Variants in NYAP2 observed in about 807,000 individuals in gnomAD.
NYAP2 encodes the protein neuronal tyrosine-phosphorylated phosphoinositide-3-kinase adaptor 2.
In NYAP2, 23 loss-of-function variants were observed where a neutral mutation model predicts 50.4. That is an observed-to-expected ratio of 0.46 (90% CI 0.33 to 0.65). The LOEUF (loss-of-function observed/expected upper bound fraction) is 0.65, where lower values mean the gene tolerates loss of function less well. NYAP2 is among the 30% of genes least tolerant of loss of function. The probability of loss-of-function intolerance (pLI) is 0.02; values close to 1 mark genes in which losing one functional copy is unlikely to be tolerated. For synonymous variants in NYAP2, 394 were observed against 365.2 expected (o/e 1.08, Z -0.90); for missense variants, 885 against 861.0 (o/e 1.03, Z -0.35).
At chr2:225,667,980 T>C in the NYAP2 span, among the ~76,000 whole-genome samples, 161 of 152,260 alleles carry the variant, frequency 1.1e-3, no homozygotes, top group African/African-American at 3.5e-3. Flanking sequence ...AGGTAATTTA[T>C]AATAATTCAC....
chr2:225,516,388 T>C (rs1690936365), intron 4 of NYAP2, among the ~76,000 whole-genome samples: 2 of 152,202 alleles, frequency 1.3e-5, no homozygotes, highest in Admixed American at 1.3e-4. Flanking sequence ...TGATAGGTAG[T>C]GAGCTCATTA....
intron 3 of NYAP2, among the ~76,000 whole-genome samples, chr2:225,498,017 G>C (rs1690538002): frequency 6.6e-6 from 1 of 152,034 alleles, no homozygotes; most frequent in South Asian, 2.1e-4. Context: ...TTATTCTACT[G>C]AAGCAAAATT....
the NYAP2 span, among the ~76,000 whole-genome samples, chr2:225,677,118 A>T: frequency 6.6e-6 from 1 of 151,972 alleles, no homozygotes; most frequent in African/African-American, 2.4e-5. Context: ...CCTTGTAGAG[A>T]TCTTTCACCT....
At chr2:225,595,755 TA>T (rs1186345270) in intron 5 of NYAP2, among the ~76,000 whole-genome samples, 1 of 152,222 alleles carries the variant, frequency 6.6e-6, no homozygotes, top group Non-Finnish European at 1.5e-5. Context: ...TGATGTTTCA[TA>T]AAACAGAAGC....
chr2:225,477,332 G>A (rs1409770372), intron 3 of NYAP2, among the ~76,000 whole-genome samples: 3 of 149,990 alleles, frequency 2.0e-5, no homozygotes, highest in Non-Finnish European at 4.4e-5. Flanking sequence ...CACCTCCTGG[G>A]TTCATGCCAT....
chr2:225,512,662 A>ATCTTTCTTTGCTTG (rs1553544717), intron 3 of NYAP2, among the ~76,000 whole-genome samples: 1 of 90,892 alleles, frequency 1.1e-5, no homozygotes, highest in African/African-American at 4.4e-5. Context: ...CCTTCCTCCC[A>ATCTTTCTTTGCTTG]TCTTTCTTTG....
At chr2:225,558,626 C>G (rs1323050948) in intron 4 of NYAP2, among the ~76,000 whole-genome samples, 8 of 152,118 alleles carry the variant, frequency 5.3e-5, no homozygotes, top group Non-Finnish European at 1.2e-4. Flanking sequence ...GCTAATCTCC[C>G]CATCTCAAAG....
intron 2 of NYAP2, among the ~76,000 whole-genome samples, 152 bp from the exon 3 acceptor site, chr2:225,408,712 T>C (rs368363203): frequency 7.9e-5 from 12 of 152,088 alleles, no homozygotes; most frequent in Non-Finnish European, 1.3e-4. Flanking sequence ...AATATTTACT[T>C]CAAATATTGT....
chr2:225,425,674 G>A (rs1376725871), intron 3 of NYAP2, among the ~76,000 whole-genome samples: 1 of 152,118 alleles, frequency 6.6e-6, no homozygotes, highest in Non-Finnish European at 1.5e-5. Flanking sequence ...CCCTGTGGTA[G>A]GATGGAAACG....
At chr2:225,672,131 T>C in the NYAP2 span, among the ~76,000 whole-genome samples, 6 of 152,140 alleles carry the variant, frequency 3.9e-5, no homozygotes, top group African/African-American at 1.4e-4. Context: ...AGTCAACGTG[T>C]CCTTTGAAAC....
intron 3 of NYAP2, among the ~76,000 whole-genome samples, chr2:225,477,974 C>T (rs997427652): frequency 4.0e-5 from 6 of 151,666 alleles, no homozygotes; most frequent in African/African-American, 9.7e-5. Flanking sequence ...TCAAGGAGCC[C>T]GAAATTAGTT....
At chr2:225,701,852 G>A in the NYAP2 span, 1 of 151,662 alleles carries the variant, frequency 6.6e-6, no homozygotes, top group African/African-American at 2.4e-5. Context: ...ATAAAAGAAT[G>A]TTTTTATTAC....
chr2:225,469,313 G>C (rs766721045), intron 3 of NYAP2, among the ~76,000 whole-genome samples: 1 of 152,208 alleles, frequency 6.6e-6, no homozygotes, highest in African/African-American at 2.4e-5. Flanking sequence ...ACCACAATGA[G>C]ATACCATCTC....
chr2:225,458,056 T>G (rs1321952825), intron 3 of NYAP2, among the ~76,000 whole-genome samples: 1 of 151,978 alleles, frequency 6.6e-6, no homozygotes, highest in African/African-American at 2.4e-5. Flanking sequence ...CCACCGATAC[T>G]TAAGAAAAAA....
chr2:225,547,029 C>G (rs567036808), intron 4 of NYAP2, among the ~76,000 whole-genome samples: 1 of 152,210 alleles, frequency 6.6e-6, no homozygotes, highest in South Asian at 2.1e-4. Context: ...TGCCTGGTGC[C>G]CTATCCTATT....
At chr2:225,451,472 G>T (rs1254678721) in intron 3 of NYAP2, among the ~76,000 whole-genome samples, 1 of 151,948 alleles carries the variant, frequency 6.6e-6, no homozygotes, top group Non-Finnish European at 1.5e-5. Flanking sequence ...CTTAGATCTG[G>T]CACAATGCCA....
intron 4 of NYAP2, among the ~76,000 whole-genome samples, chr2:225,539,982 G>A (rs573702011): frequency 5.4e-4 from 82 of 152,218 alleles, no homozygotes; most frequent in African/African-American, 1.9e-3. Flanking sequence ...CTAGGGCAGG[G>A]GCAAAATGCT....
At chr2:225,483,263 G>T (rs926824125) in intron 3 of NYAP2, among the ~76,000 whole-genome samples, 1 of 151,980 alleles carries the variant, frequency 6.6e-6, no homozygotes, top group Non-Finnish European at 1.5e-5. Context: ...TAATAGGCAG[G>T]TTCATGATAT....
intron 3 of NYAP2, among the ~76,000 whole-genome samples, chr2:225,512,714 CT>C (rs1690842427): frequency 8.3e-6 from 1 of 120,746 alleles, no homozygotes; most frequent in African/African-American, 3.6e-5. Context: ...TTTCTTTTTT[CT>C]TTTCTTTCTT....
Sources: allele counts gnomAD v4.1 joint callset (sites outside exome capture counted in the v4.1 genomes callset), GRCh38; gene constraint gnomAD v4.1.1; transcripts MANE v1.5; gene names NCBI Gene and HGNC (gene_info 2026-07-23, HGNC 2026-07-21).